ATN1: variants seen among roughly 807,000 people sequenced by gnomAD.
ATN1 encodes the protein atrophin-1.
In ATN1, 19 loss-of-function variants were observed where a neutral mutation model predicts 85.8. The observed-to-expected ratio is 0.22, with a 90% CI of 0.15 to 0.32. The LOEUF (loss-of-function observed/expected upper bound fraction) is 0.32, where lower values mean the gene tolerates loss of function less well. Ranked by LOEUF, ATN1 falls within the 10% of genes least tolerant of loss-of-function variation. The probability of loss-of-function intolerance (pLI) is 1.00; values close to 1 mark genes in which losing one functional copy is unlikely to be tolerated. For synonymous variants in ATN1, 674 were observed against 657.0 expected, an observed-to-expected ratio of 1.03 and a Z score of -0.39; for missense variants, 1,453 against 1,564.5, an observed-to-expected ratio of 0.93 and a Z score of 1.20.
At position 6,937,628 on chromosome 12, in the gene ATN1, G is replaced by T; in HGVS notation, c.2294+67G>T. The T allele has an allele frequency of 6.9e-7, 1 of 1,438,930 alleles. No homozygotes were observed. Among genetic ancestry groups the T allele is most frequent in the Non-Finnish European group, 9.1e-7 (1 of 1,094,976 alleles). The allele number at this position is 1,438,930 out of a possible 1,614,324, so 89.1% of individuals were successfully genotyped here. ...CGACGACAAGGCGGCGACGAGAGAG[G>T]GAGTAGCAGGGAGGGGCCTTGCGCT... On this transcript the variant is annotated intron_variant, in intron 5 of 9. Coordinates refer to ENST00000396684, the MANE Select transcript of ATN1 (RefSeq NM_001940.4). The surrounding 1 kb of genome is among the most constrained non-coding windows in gnomAD (Gnocchi z 6.0).
intron 6 of ATN1, 88 bp downstream of exon 6, chr12:6,938,155 G>C: frequency 6.9e-7 from 1 of 1,448,872 alleles, no homozygotes; most frequent in Non-Finnish European, 9.0e-7. Flanking sequence ...ACGCTGCGGG[G>C]CTGTGGCTGG....
In ATN1 at chr12:6,939,020, G is replaced by A; in HGVS notation, c.3057G>A (p.Glu1019=). Residue 1019 remains glutamate (E), a synonymous_variant, in exon 7 of 10, where the codon GAG becomes GAA. Coordinates refer to ENST00000396684, the MANE Select transcript of ATN1 (RefSeq NM_001940.4). ...PALRPDMSYA[E]RLAAERQHAE... is the part of the protein sequence containing the mutation. ...TGCGGCCTGACATGTCCTATGCTGA[G>A]CGGCTGGCAGCTGAGAGGCAGCACG... The A allele has an allele frequency of 6.2e-7, 1 of 1,610,940 alleles. No homozygotes were observed. Among genetic ancestry groups the A allele is most frequent in the Non-Finnish European group, 8.5e-7 (1 of 1,180,010 alleles).
intron 1 of ATN1, among the ~76,000 whole-genome samples, chr12:6,930,189 C>G (rs1245349204): frequency 6.6e-6 from 1 of 152,154 alleles, no homozygotes; most frequent in African/African-American, 2.4e-5. Context: ...TCTCTGAGGC[C>G]TCTCTGAAGG....
chr12:6,938,335 G>C, intron 6 of ATN1, 146 bp from the exon 7 acceptor site: 1 of 1,316,830 alleles, frequency 7.6e-7, no homozygotes, highest in Non-Finnish European at 1.0e-6. Flanking sequence ...TTCGGGAGCG[G>C]GGGCCGCAGT....
chr12:6,930,420 T>A (rs1300459507), intron 1 of ATN1, among the ~76,000 whole-genome samples: 1 of 152,194 alleles, frequency 6.6e-6, no homozygotes, highest in Admixed American at 6.5e-5. Context: ...TCTTAATTTC[T>A]TTTCCTGTTC....
rs782530878 is a variant in ATN1 at position 6,935,772 on chromosome 12, C to T, written c.505C>T (p.Pro169Ser). 8.1e-6 allele frequency: 13 copies of T among 1,613,796 alleles called. No individual in the cohort carries two copies. The African/African-American group carries it at 1.5e-4, about 18-fold the overall frequency. ...CCCACCTCCACTCTTTCCTCCTTCC[C>T]CTCAACCGCCAGACAGCACCCCTCG... ...YHPPPLFPPS[P>S]QPPDSTPRQP... is the part of the protein sequence containing the mutation. The change falls in exon 5 of 10, where the codon CCT becomes TCT. Residue 169 changes from proline (P) to serine (S), a missense_variant. Pro to Ser is a moderately conservative substitution (Grantham distance 74). Transcript: ENST00000396684. The surrounding 1 kb of genome is among the most constrained non-coding windows in gnomAD (Gnocchi z 5.3).
Position 6,934,507 on chromosome 12 carries a change from C to G in ATN1, c.208C>G (p.Gln70Glu). The G allele has an allele frequency of 6.3e-7, 1 of 1,589,464 alleles. No homozygotes were observed. Among genetic ancestry groups the G allele is most frequent in the Non-Finnish European group, 8.6e-7 (1 of 1,167,358 alleles). The change falls in exon 4 of 10, where the codon CAG (glutamine) becomes GAG (glutamate). Residue 70 changes from glutamine (Q) to glutamate (E), a missense_variant. Transcript: ENST00000396684. This position sits in a 1 kb window ranked among gnomAD's most constrained non-coding sequence, Gnocchi z 4.5. ...EEASTPKVNK[Q>E]GRSEEISESE... is the part of the protein sequence containing the mutation. ...AGCCTCCACCCCAAAGGTCAACAAG[C>G]AGGGTCGGAGTGAGGAGATCTCAGA... is the stretch of plus-strand genomic sequence containing the variant.
rs782249861 is a variant in ATN1 at position 6,941,524 on chromosome 12, T to TGCC, written c.3512_3514dup (p.Pro1171dup). On this transcript the variant is annotated inframe_insertion, in exon 9 of 10. Transcript: ENST00000396684. The surrounding 1 kb of genome is among the most constrained non-coding windows in gnomAD (Gnocchi z 5.9). Reference sequence around the variant, plus strand: ...CATGCCCATCACCCGCTGCACAGTGTGCCGCTGCCTGCCCAGGAGGACTAC... The same window carrying TGCC: ...CATGCCCATCACCCGCTGCACAGTGTGCCGCCGCTGCCTGCCCAGGAGGACTAC... The TGCC allele has an allele frequency of 6.2e-7, 1 of 1,612,694 alleles. No homozygotes were observed. The highest frequency in any genetic ancestry group is 1.3e-5 in the African/African-American group (1 of 75,038).
upstream of ATN1, among the ~76,000 whole-genome samples, chr12:6,925,459 C>G (rs770714780): frequency 8.6e-5 from 13 of 151,810 alleles, no homozygotes; most frequent in Non-Finnish European, 1.8e-4. Flanking sequence ...AGCCCTGGAA[C>G]AAAGTCAGGG....
rs1179904382 is a variant in ATN1 at position 6,936,640 on chromosome 12, A to C, written c.1373A>C (p.His458Pro). Reference protein sequence around the residue: ...YGRLLANSNAHPGPFPPSTGA... With the variant: ...YGRLLANSNAPPGPFPPSTGA... ...CGCCTCTTAGCCAACAGCAATGCCC[A>C]TCCAGGCCCCTTCCCTCCCTCTACT... The change falls in exon 5 of 10, where the codon CAT (histidine) becomes CCT (proline). Residue 458 changes from histidine to proline, a missense_variant. Coordinates refer to ENST00000396684, the MANE Select transcript of ATN1 (RefSeq NM_001940.4). 1.9e-6 allele frequency: 3 copies of C among 1,613,184 alleles called. No individual in the cohort carries two copies. The East Asian group carries it at 6.7e-5, about 36-fold the overall frequency.
rs1173002949 is a variant in ATN1 at position 6,936,346 on chromosome 12, C to T, written c.1079C>T (p.Pro360Leu). 4 of 1,613,892 alleles carry T rather than the reference C, an allele frequency of 2.5e-6. No individual in the cohort carries two copies. Among genetic ancestry groups the T allele is most frequent in the African/African-American group, 1.3e-5 (1 of 74,876 alleles). ...PTLAPSPHSL[P>L]PASSSAPAPP... is the part of the protein sequence containing the mutation. ...CTGGCTCCTTCACCCCACTCTCTGC[C>T]TCCTGCTTCCTCTTCTGCTCCAGCG... Residue 360 changes from proline to leucine, a missense_variant, in exon 5 of 10, where the codon CCT becomes CTT. Pro to Leu is a moderately conservative substitution (Grantham distance 98). This residue lies in a region of ATN1 where 990 missense variants were observed against 914.8 expected (regional missense o/e 1.08). Coordinates refer to ENST00000396684, the MANE Select transcript of ATN1 (RefSeq NM_001940.4).
chr12:6,925,627 C>CTCAT (rs1163727060), upstream of ATN1, among the ~76,000 whole-genome samples: 2 of 152,316 alleles, frequency 1.3e-5, no homozygotes, highest in East Asian at 3.9e-4. Context: ...AGAGTGATGA[C>CTCAT]TCATTCCCAG....
chr12:6,928,501 A>G (rs1591657981), intron 1 of ATN1, 117 bp downstream of exon 1: 1 of 121,550 alleles, frequency 8.2e-6, no homozygotes, highest in Non-Finnish European at 1.8e-5. Context: ...CGCCGCCTCC[A>G]TTTGTTATTT....
chr12:6,933,788 C>T (rs1945495463), intron 1 of ATN1, 52 bp from the exon 2 acceptor site: 2 of 627,782 alleles, frequency 3.2e-6, no homozygotes, highest in Non-Finnish European at 5.6e-6. Flanking sequence ...AATAGTATTC[C>T]TTTGTGACTC....
In ATN1 at chr12:6,933,883, C is replaced by T; in HGVS notation, c.-119C>T. The T allele has an allele frequency of 7.8e-7, 1 of 1,288,274 alleles. No homozygotes were observed. Among genetic ancestry groups the T allele is most frequent in the Non-Finnish European group, 1.1e-6 (1 of 919,168 alleles). The allele number at this position is 1,288,274 out of a possible 1,614,324, so 79.8% of individuals were successfully genotyped here. ...CCTGCAAAAGTTCCAGGTGCCCACA[C>T]TGGAAACTTGGAGATCCTGCTTCCC... is the stretch of plus-strand genomic sequence containing the variant. On this transcript the variant is annotated 5_prime_UTR_variant, in exon 2 of 10. Transcript: ENST00000396684.
At chr12:6,938,135 G>A (rs1945578924) in intron 6 of ATN1, 68 bp downstream of exon 6, 20 of 1,473,334 alleles carry the variant, frequency 1.4e-5, no homozygotes, top group African/African-American at 2.8e-5. Context: ...GCGCTGCGCT[G>A]CGCTACGCTA....
At position 6,934,887 on chromosome 12, in the gene ATN1, G is replaced by GTT. The variant is rs200910295; in HGVS notation, c.279+317_279+318dup. Among the ~76,000 whole-genome samples, 4 of 151,456 alleles carry GTT rather than the reference G, an allele frequency of 2.6e-5. No homozygotes were observed. The highest frequency in any genetic ancestry group is 5.9e-5 in the Non-Finnish European group (4 of 67,812). On this transcript the variant is annotated intron_variant, in intron 4 of 9. Coordinates refer to ENST00000396684, the MANE Select transcript of ATN1 (RefSeq NM_001940.4). This position sits in a 1 kb window ranked among gnomAD's most constrained non-coding sequence, Gnocchi z 4.5. ...GCAGAAGTGGTCTTTCTTTTTTATTGTTTTTTTTTGTTTGTTTGTTTTTGA... is the reference window on the plus strand; with the variant it reads ...GCAGAAGTGGTCTTTCTTTTTTATTGTTTTTTTTTTTGTTTGTTTGTTTTTGA...
At position 6,941,143 on chromosome 12, in the gene ATN1, G is replaced by A; in HGVS notation, c.3358+120G>A. 7.4e-7 allele frequency: 1 copy of A among 1,359,004 alleles called. No homozygotes were observed. Among genetic ancestry groups the A allele is most frequent in the Non-Finnish European group, 1.0e-6 (1 of 1,002,506 alleles). The allele number at this position is 1,359,004 out of a possible 1,614,324, so 84.2% of individuals were successfully genotyped here. On this transcript the variant is annotated intron_variant, in intron 8 of 9. Transcript: ENST00000396684. This position sits in a 1 kb window ranked among gnomAD's most constrained non-coding sequence, Gnocchi z 5.9. ...GATGAGGAGGTGCCTAGAGGAGCTGGGCATGGGAATAGGAGAGCTGGAGCT... is the reference window on the plus strand; with the variant it reads ...GATGAGGAGGTGCCTAGAGGAGCTGAGCATGGGAATAGGAGAGCTGGAGCT...
intron 7 of ATN1, among the ~76,000 whole-genome samples, chr12:6,939,503 T>C (rs1322134619): frequency 1.3e-5 from 2 of 152,208 alleles, no homozygotes; most frequent in Non-Finnish European, 2.9e-5. Context: ...CAAACCTGTC[T>C]TCTTATTTAT....
Sources: gnomAD v4.1 joint callset for allele counts (sites outside exome capture counted in the v4.1 genomes callset) on GRCh38, gnomAD v4.1.1 for gene constraint, gnomAD v4.1.1 regional missense constraint, Gnocchi (gnomAD v3.1) non-coding constraint, MANE v1.5 for transcripts, NCBI Gene and HGNC (gene_info 2026-07-23, HGNC 2026-07-21) for gene names.